BAHCC1: variants seen among roughly 807,000 people sequenced by gnomAD.
BAHCC1 encodes BAH domain and coiled-coil containing 1.
In BAHCC1, 43 loss-of-function variants were observed where a neutral mutation model predicts 88.2. The ratio of observed to expected loss-of-function variants is 0.49; its 90% CI spans 0.38 to 0.63. The LOEUF (loss-of-function observed/expected upper bound fraction) is 0.63. Among genes scored for constraint, BAHCC1 ranks in the 20% least tolerant of loss-of-function variants. BAHCC1 has a pLI of 0.00. For synonymous variants in BAHCC1, 1,510 were observed against 745.5 expected (o/e 2.03, Z -16.71); for missense variants, 3,023 against 1,654.8 (o/e 1.83, Z -14.34).
In BAHCC1 at chr17:81,414,583, G is replaced by T. The variant is rs555139349; in HGVS notation, c.179-12217G>T. The stretch of plus-strand genomic sequence containing the variant: ...GCTCCCCTGCAGAGTTCCTAGGAAC[G>T]CCGAGTTTTTACCTCAGAGGCTGAG... On this transcript the variant is annotated intron_variant, in intron 2 of 27. Coordinates refer to ENST00000675386, the MANE Select transcript of BAHCC1 (RefSeq NM_001377448.1). Among the ~76,000 whole-genome samples, 8 of 152,310 alleles carry T rather than the reference G, an allele frequency of 5.3e-5. No homozygotes were observed. The South Asian group carries it at 1.7e-3, about 32-fold the overall frequency.
intron 23 of BAHCC1, 105 bp downstream of exon 23, chr17:81,459,709 GCTCT>G: frequency 1.6e-6 from 1 of 624,056 alleles, no homozygotes; most frequent in Admixed American, 2.1e-5. Flanking sequence ...GGCAGAACCA[GCTCT>G]CTGCTTAGAC....
intron 17 of BAHCC1, among the ~76,000 whole-genome samples, chr17:81,457,817 A>G (rs1365957246): frequency 1.7e-3 from 18 of 10,900 alleles, no homozygotes; most frequent in Admixed American, 2.8e-3. Context: ...AACCGGGGGG[A>G]GGGCAGGGGT....
At chr17:81,413,449 T>TC (rs1555648168) in intron 2 of BAHCC1, among the ~76,000 whole-genome samples, 1 of 151,006 alleles carries the variant, frequency 6.6e-6, no homozygotes, top group African/African-American at 2.4e-5. Flanking sequence ...CCTTCTGTCT[T>TC]CCCCCCACAC....
chr17:81,458,977 G>C lies in BAHCC1; in HGVS notation c.5605+8G>C. ...AGCAGAGCGCCGCCCTAGGTGAGCAGGGCCAGGAAGGGTGCCAGCCGCCTG... is the reference window on the plus strand; with the variant it reads ...AGCAGAGCGCCGCCCTAGGTGAGCACGGCCAGGAAGGGTGCCAGCCGCCTG... On this transcript the variant is annotated splice_region_variant and intron_variant, in intron 20 of 27. Coordinates refer to ENST00000675386, the MANE Select transcript of BAHCC1 (RefSeq NM_001377448.1). 1 of 721,782 alleles carries C rather than the reference G, an allele frequency of 1.4e-6. No individual in the cohort carries two copies. The highest frequency in any genetic ancestry group is 1.8e-5 in the African/African-American group (1 of 56,922). The allele number at this position is 721,782 out of a possible 1,614,324, so 44.7% of individuals were successfully genotyped here.
At chr17:81,444,124 G>T in intron 6 of BAHCC1, 1 of 603,210 alleles carries the variant, frequency 1.7e-6, no homozygotes, top group Admixed American at 2.9e-5. Flanking sequence ...CAGCGGTCAG[G>T]TTACCCACTT....
At chr17:81,430,125 G>C (rs1324769998) in intron 3 of BAHCC1, among the ~76,000 whole-genome samples, 3 of 152,068 alleles carry the variant, frequency 2.0e-5, no homozygotes, top group Non-Finnish European at 4.4e-5. Flanking sequence ...GCTCCTGCTG[G>C]GCAGCCTGTC....
chr17:81,408,441 AGTACCGTCTCTGCCCACC>A (rs2063908138), intron 2 of BAHCC1, among the ~76,000 whole-genome samples: 1 of 88,420 alleles, frequency 1.1e-5, no homozygotes, highest in African/African-American at 4.5e-5. Context: ...AGCTGCCCTC[AGTACCGTCTCTGCCCACC>A]GTGCCCTGCC....
At chr17:81,444,993 C>G (rs782094615) in intron 8 of BAHCC1, 22 bp from the exon 9 acceptor site, 1 of 726,854 alleles carries the variant, frequency 1.4e-6, no homozygotes, top group South Asian at 1.4e-5. Context: ...CCAGGCTGAC[C>G]CCTCCTGGGC....
At chr17:81,444,055 C>T in intron 6 of BAHCC1, 138 bp downstream of exon 6, 1 of 632,406 alleles carries the variant, frequency 1.6e-6, no homozygotes, top group Non-Finnish European at 2.9e-6. Context: ...GGGGTTCTCC[C>T]CACCCCTAGA....
rs1228060553 is a variant in BAHCC1, at chr17:81,434,378, C to T, written c.359-3992C>T. Among the ~76,000 whole-genome samples, 2 of 152,176 alleles carry T rather than the reference C, an allele frequency of 1.3e-5. No individual in the cohort carries two copies. The highest frequency in any genetic ancestry group is 2.4e-5 in the African/African-American group (1 of 41,454). On this transcript the variant is annotated intron_variant, in intron 3 of 27. Coordinates refer to ENST00000675386, the MANE Select transcript of BAHCC1 (RefSeq NM_001377448.1). This position sits in a 1 kb window ranked among gnomAD's most constrained non-coding sequence, Gnocchi z 4.9. ...TCGAGGCTCAGCCGTGGGAGGCCAG[C>T]GTGGCAGACCTTCCCCCAGGGAGGA...
chr17:81,404,369 C>G, intron 2 of BAHCC1, among the ~76,000 whole-genome samples: 1 of 152,226 alleles, frequency 6.6e-6, no homozygotes, highest in Non-Finnish European at 1.5e-5. Flanking sequence ...AGCCACTGAG[C>G]TTTGCATGAG....
chr17:81,440,271 C>G (rs1477627039), intron 4 of BAHCC1, among the ~76,000 whole-genome samples: 1 of 152,226 alleles, frequency 6.6e-6, no homozygotes. Flanking sequence ...CCCAGAAACC[C>G]AACCCCTCCA....
At chr17:81,432,640 A>C (rs1434544818) in intron 3 of BAHCC1, among the ~76,000 whole-genome samples, 1 of 38,184 alleles carries the variant, frequency 2.6e-5, no homozygotes, top group Admixed American at 2.8e-4. Flanking sequence ...TCCCGGGCCC[A>C]CCTGTTCCCC....
intron 2 of BAHCC1, chr17:81,413,205 G>A (rs1018945046): frequency 3.5e-5 from 12 of 342,148 alleles, no homozygotes; most frequent in Non-Finnish European, 5.9e-5. Context: ...CCTCCCCTGT[G>A]CTGACCATGC....
intron 4 of BAHCC1, among the ~76,000 whole-genome samples, chr17:81,439,652 CAGCTCCTGGG>C (rs2064384511): frequency 6.6e-6 from 1 of 151,898 alleles, no homozygotes. Context: ...GGTTTCCGCA[CAGCTCCTGGG>C]AGCCCGGGAG....
At position 81,447,553 on chromosome 17, in the gene BAHCC1, G is replaced by A. The variant is rs372155548; in HGVS notation, c.3681G>A (p.Leu1227=). ...AGCCGGCCCCTGAGGAGGACGAGCT[G>A]GAGGAAGACGAGCTGGGGCAGCAGA... The part of the protein sequence containing the change: ...GEQPAPEEDE[L]EEDELGQQSM... The change falls in exon 11 of 28, where the codon CTG becomes CTA. Residue 1227 remains leucine (L), a synonymous_variant. Transcript: ENST00000675386. 4 of 757,498 alleles carry A rather than the reference G, an allele frequency of 5.3e-6. No individual in the cohort carries two copies. The highest frequency in any genetic ancestry group is 1.7e-5 in the African/African-American group (1 of 58,758). The allele number at this position is 757,498 out of a possible 1,614,324, so 46.9% of individuals were successfully genotyped here.
chr17:81,439,241 C>G (rs1475199374), intron 4 of BAHCC1, among the ~76,000 whole-genome samples: 19 of 152,174 alleles, frequency 1.2e-4, no homozygotes, highest in Admixed American at 1.2e-3. Context: ...ATCTCATTTG[C>G]ATTTTAAAAA....
rs1407653921 is a variant in BAHCC1 at position 81,458,258 on chromosome 17, G to C, written c.5135G>C (p.Gly1712Ala). 1 of 745,264 alleles carries C rather than the reference G, an allele frequency of 1.3e-6. No homozygotes were observed. Among genetic ancestry groups the C allele is most frequent in the Non-Finnish European group, 2.5e-6 (1 of 401,554 alleles). 46.2% of individuals were successfully genotyped at this position (745,264 alleles called of 1,614,324 possible). A position where few individuals can be genotyped will look rare whatever the true frequency, so the allele number is the denominator to read the frequency against. The part of the protein sequence containing the change: ...KVGTTLERAP[G>A]QRPPGALGKK... ...GGCACCACCCTGGAGCGGGCCCCAG[G>C]GCAGAGGCCCCCAGGTGCGCTGGGC... Residue 1712 changes from glycine (G) to alanine (A), a missense_variant, in exon 18 of 28, where the codon GGG (glycine) becomes GCG (alanine). By Grantham distance (60) the Gly-to-Ala change is moderately conservative. Coordinates refer to ENST00000675386, the MANE Select transcript of BAHCC1 (RefSeq NM_001377448.1).
rs973439392 is a variant in BAHCC1, at chr17:81,412,924, G to A, written c.178+13007G>A. ...CTGTCGTGGGTGTGGGAGTGTTGCC[G>A]GCTGCTGGCTGGAAGGAGAGAGTGA... On this transcript the variant is annotated intron_variant, in intron 2 of 27. Coordinates refer to ENST00000675386, the MANE Select transcript of BAHCC1 (RefSeq NM_001377448.1). Among the ~76,000 whole-genome samples the A allele has an allele frequency of 5.9e-5, 9 of 152,196 alleles. No homozygotes were observed. In the South Asian group the frequency reaches 8.3e-4, roughly 14 times the overall value.
Sources: allele counts gnomAD v4.1 joint callset (sites outside exome capture counted in the v4.1 genomes callset), GRCh38; gene constraint gnomAD v4.1.1; non-coding constraint Gnocchi (gnomAD v3.1); transcripts MANE v1.5; gene names NCBI Gene and HGNC (gene_info 2026-07-23, HGNC 2026-07-21).